Variants in LMO3 observed in about 807,000 individuals in gnomAD.
LMO3 encodes LIM domain only protein 3.
In LMO3, 2 loss-of-function variants were observed where a neutral mutation model predicts 15.8. The observed-to-expected ratio is 0.13, with a 90% CI of 0.05 to 0.40. The LOEUF (loss-of-function observed/expected upper bound fraction) is 0.40, where lower values mean the gene tolerates loss of function less well. LMO3 is among the 10% of genes least tolerant of loss of function. The probability of loss-of-function intolerance (pLI) is 0.99; values close to 1 mark genes in which losing one functional copy is unlikely to be tolerated. For missense variants in LMO3, 86 were observed against 182.2 expected (o/e 0.47, Z 3.04); for synonymous variants, 62 against 63.8 (o/e 0.97, Z 0.13).
At chr12:16,554,150 T>A (rs1942098222) in intron 3 of LMO3, among the ~76,000 whole-genome samples, 1 of 152,160 alleles carries the variant, frequency 6.6e-6, no homozygotes, top group Admixed American at 6.5e-5. Flanking sequence ...CTTCATATAG[T>A]CTTAGAGACT....
intron 2 of LMO3, among the ~76,000 whole-genome samples, chr12:16,594,669 A>G (rs1943595160): frequency 6.6e-6 from 1 of 151,636 alleles, no homozygotes; most frequent in Non-Finnish European, 1.5e-5. Context: ...AGGGAAATAC[A>G]ACGGTCATTT....
intron 2 of LMO3, among the ~76,000 whole-genome samples, chr12:16,590,168 TTATAAA>T (rs1451254767): frequency 5.3e-5 from 8 of 152,112 alleles, no homozygotes; most frequent in African/African-American, 1.9e-4. Context: ...AATCCCACTG[TTATAAA>T]TAGAAATTAA....
rs1170324924 is a variant in LMO3, at chr12:16,548,657, C to T, written c.*2565G>A. The T allele has an allele frequency of 6.6e-6, 1 of 152,108 alleles. No individual in the cohort carries two copies. Among genetic ancestry groups the T allele is most frequent in the East Asian group, 1.9e-4 (1 of 5,182 alleles). The allele number at this position is 152,108 out of a possible 1,614,324, so 9.4% of individuals were successfully genotyped here. On this transcript the variant is annotated 3_prime_UTR_variant, in exon 4 of 4. Coordinates refer to ENST00000537304, the MANE Select transcript of LMO3 (RefSeq NM_018640.5). The surrounding 1 kb of genome is among the most constrained non-coding windows in gnomAD (Gnocchi z 4.2). ...GCTAAATGACGTTAGGGCTACACAA[C>T]ACAAAGGGGAAAGTTGACAACAATT...
chr12:16,584,589 G>C lies in LMO3; in HGVS notation c.206+16066C>G, dbSNP rs1943260652. ...TAACATTGGCAAGTGGAGGAGTGGG[G>C]GGGGTAAGAGGCCTGTTTAGAGGTG... On this transcript the variant is annotated intron_variant, in intron 2 of 3. Transcript: ENST00000537304. This position sits in a 1 kb window ranked among gnomAD's most constrained non-coding sequence, Gnocchi z 5.2. Among the ~76,000 whole-genome samples, 2 of 152,268 alleles carry C rather than the reference G, an allele frequency of 1.3e-5. No homozygotes were observed. The highest frequency in any genetic ancestry group is 2.1e-4 in the South Asian group (1 of 4,820).
At position 16,560,348 on chromosome 12, in the gene LMO3, A is replaced by G. The variant is rs1175493868; in HGVS notation, c.332+65T>C. The G allele has an allele frequency of 4.6e-6, 7 of 1,512,590 alleles. No individual in the cohort carries two copies. The highest frequency in any genetic ancestry group is 1.4e-5 in the African/African-American group (1 of 71,332). 93.7% of individuals were successfully genotyped at this position (1,512,590 alleles called of 1,614,324 possible). On this transcript the variant is annotated intron_variant, in intron 3 of 3. Coordinates refer to ENST00000537304, the MANE Select transcript of LMO3 (RefSeq NM_018640.5). This position sits in a 1 kb window ranked among gnomAD's most constrained non-coding sequence, Gnocchi z 5.0. ...AAATGTATGAATATAATTTCCACCT[A>G]TTAAATAAATAGCCAGCACAGAGAG...
At chr12:16,583,118 A>G (rs1293964007) in intron 2 of LMO3, among the ~76,000 whole-genome samples, 2 of 152,244 alleles carry the variant, frequency 1.3e-5, no homozygotes, top group East Asian at 1.9e-4. Flanking sequence ...TTTAAAGAGA[A>G]TAAATGATCA....
At position 16,560,569 on chromosome 12, in the gene LMO3, A is replaced by G. The variant is rs1942365548; in HGVS notation, c.207-31T>C. ...ATAAGAAACATTTTTTTTTTTTTAC[A>G]AACTCTTACAGAGAAATCTGAGATC... On this transcript the variant is annotated intron_variant, in intron 2 of 3. Coordinates refer to ENST00000537304, the MANE Select transcript of LMO3 (RefSeq NM_018640.5). This position sits in a 1 kb window ranked among gnomAD's most constrained non-coding sequence, Gnocchi z 5.0. 1.3e-6 allele frequency: 2 copies of G among 1,573,852 alleles called. No individual in the cohort carries two copies. The highest frequency in any genetic ancestry group is 8.7e-7 in the Non-Finnish European group (1 of 1,149,700).
In LMO3 at chr12:16,598,895, T is replaced by C; in HGVS notation, c.206+1760A>G. Reference sequence around the variant, plus strand: ...TACTTAATTTTTGTCCTTTGGTTTATTAAAACACCTTAACATTGCCCGGGC... The same window carrying C: ...TACTTAATTTTTGTCCTTTGGTTTACTAAAACACCTTAACATTGCCCGGGC... On this transcript the variant is annotated intron_variant, in intron 2 of 3. Coordinates refer to ENST00000537304, the MANE Select transcript of LMO3 (RefSeq NM_018640.5). This position sits in a 1 kb window ranked among gnomAD's most constrained non-coding sequence, Gnocchi z 4.3. 3.3e-6 allele frequency: 1 copy of C among 300,276 alleles called. No homozygotes were observed. Among genetic ancestry groups the C allele is most frequent in the Non-Finnish European group, 6.8e-6 (1 of 146,530 alleles). The allele number at this position is 300,276 out of a possible 1,614,324, so 18.6% of individuals were successfully genotyped here.
Position 16,566,039 on chromosome 12 carries a change from T to TATATATAA in LMO3, c.207-5502_207-5501insTTATATAT, listed in dbSNP as rs1565488437. Among the ~76,000 whole-genome samples, 11 of 86,522 alleles carry TATATATAA rather than the reference T, an allele frequency of 1.3e-4. 1 individual carries two copies. The highest frequency in any genetic ancestry group is 2.0e-4 in the Non-Finnish European group (9 of 44,258). 56.8% of individuals were successfully genotyped at this position (86,522 alleles called of 152,430 possible). On this transcript the variant is annotated intron_variant, in intron 2 of 3. Transcript: ENST00000537304. The stretch of plus-strand genomic sequence containing the variant: ...ATATATATATATATATATATATATA[T>TATATATAA]AAAATGGAGTACTATTCAGCCATAA...
chr12:16,567,039 A>G (rs1211368651), intron 2 of LMO3, among the ~76,000 whole-genome samples: 2 of 152,152 alleles, frequency 1.3e-5, no homozygotes, highest in African/African-American at 4.8e-5. Context: ...TACTAAAAAT[A>G]TGAAAAATTA....
chr12:16,566,801 T>C (rs1281895706), intron 2 of LMO3, among the ~76,000 whole-genome samples: 2 of 152,160 alleles, frequency 1.3e-5, no homozygotes, highest in East Asian at 1.9e-4. Flanking sequence ...ATATTCATTC[T>C]CTCTCCAAAC....
intron 1 of LMO3, among the ~76,000 whole-genome samples, chr12:16,602,659 C>G (rs1943860344): frequency 6.6e-6 from 1 of 152,058 alleles, no homozygotes; most frequent in East Asian, 1.9e-4. Context: ...TAATCATAAC[C>G]CTTGATAGCT....
chr12:16,552,246 G>T (rs1407929753), intron 3 of LMO3, among the ~76,000 whole-genome samples: 1 of 151,946 alleles, frequency 6.6e-6, no homozygotes, highest in Non-Finnish European at 1.5e-5. Flanking sequence ...ATATTTAATT[G>T]TAACAATTTA....
chr12:16,574,030 C>G (rs567078641), intron 2 of LMO3: 2 of 152,250 alleles, frequency 1.3e-5, no homozygotes, highest in African/African-American at 2.4e-5. Context: ...TCCGCTTCCC[C>G]GCTTCCCCGA....
In LMO3 at chr12:16,593,461, C is replaced by A. The variant is rs1195652831; in HGVS notation, c.206+7194G>T. On this transcript the variant is annotated intron_variant, in intron 2 of 3. Coordinates refer to ENST00000537304, the MANE Select transcript of LMO3 (RefSeq NM_018640.5). The surrounding 1 kb of genome is among the most constrained non-coding windows in gnomAD (Gnocchi z 4.2). ...TTTCATTTTAAACTTGTAAAGCCCA[C>A]AACTAGAGATTTTTGCATCAGAAAA... Among the ~76,000 whole-genome samples, 2 of 151,742 alleles carry A rather than the reference C, an allele frequency of 1.3e-5. No homozygotes were observed. The highest frequency in any genetic ancestry group is 6.6e-5 in the Admixed American group (1 of 15,198).
Position 16,559,133 on chromosome 12 carries a change from A to G in LMO3, c.332+1280T>C, listed in dbSNP as rs1163913317. Among the ~76,000 whole-genome samples the G allele has an allele frequency of 6.6e-6, 1 of 152,196 alleles. No individual in the cohort carries two copies. The highest frequency in any genetic ancestry group is 2.4e-5 in the African/African-American group (1 of 41,456). Reference sequence around the variant, plus strand: ...AATAACTGAGAACTTGATGCAACTAATATTTATTGATTATATACTCTGCCA... The same window carrying G: ...AATAACTGAGAACTTGATGCAACTAGTATTTATTGATTATATACTCTGCCA... On this transcript the variant is annotated intron_variant, in intron 3 of 3. Transcript: ENST00000537304. This position sits in a 1 kb window ranked among gnomAD's most constrained non-coding sequence, Gnocchi z 4.1.
chr12:16,571,492 C>A lies in LMO3; in HGVS notation c.207-10954G>T, dbSNP rs140652950. On this transcript the variant is annotated intron_variant, in intron 2 of 3. Transcript: ENST00000537304. ...TTGAAAAAATATATAGATTGAATATCTCTAAAAGCAAGGGTATTCATATGT... is the reference window on the plus strand; with the variant it reads ...TTGAAAAAATATATAGATTGAATATATCTAAAAGCAAGGGTATTCATATGT... 6.9e-3 allele frequency among the ~76,000 whole-genome samples: 1,043 copies of A among 152,098 alleles called. 6 individuals carry two copies. The highest frequency in any genetic ancestry group is 0.011 in the South Asian group (53 of 4,828).
At chr12:16,563,970 G>A (rs533600666) in intron 2 of LMO3, among the ~76,000 whole-genome samples, 2 of 152,212 alleles carry the variant, frequency 1.3e-5, no homozygotes, top group Non-Finnish European at 2.9e-5. Flanking sequence ...TAGGCCTTAA[G>A]CAATATGACC....
At chr12:16,592,189 A>G (rs542491975) in intron 2 of LMO3, among the ~76,000 whole-genome samples, 1 of 152,190 alleles carries the variant, frequency 6.6e-6, no homozygotes, top group African/African-American at 2.4e-5. Context: ...GCACTCAAAT[A>G]TTTGTCAAGT....
Sources: gnomAD v4.1 joint callset for allele counts (sites outside exome capture counted in the v4.1 genomes callset) on GRCh38, gnomAD v4.1.1 for gene constraint, Gnocchi (gnomAD v3.1) non-coding constraint, MANE v1.5 for transcripts, NCBI Gene and HGNC (gene_info 2026-07-23, HGNC 2026-07-21) for gene names.